MACROD2: variants seen among roughly 807,000 people sequenced by gnomAD.
The protein encoded by MACROD2 is ADP-ribose glycohydrolase MACROD2.
A neutral mutation model predicts 70.4 loss-of-function variants in MACROD2; 36 were observed. That is an observed-to-expected ratio of 0.51 (90% CI 0.39 to 0.68). The LOEUF (loss-of-function observed/expected upper bound fraction) is 0.68. MACROD2 is among the 30% of genes least tolerant of loss of function. The pLI is 0.00. For synonymous variants in MACROD2, 172 were observed against 178.8 expected, an observed-to-expected ratio of 0.96 and a Z score of 0.30; for missense variants, 496 against 538.4, an observed-to-expected ratio of 0.92 and a Z score of 0.78.
chr20:14,529,496 A>G (rs1279689164), intron 4 of MACROD2, among the ~76,000 whole-genome samples: 1 of 152,168 alleles, frequency 6.6e-6, no homozygotes, highest in African/African-American at 2.4e-5. Context: ...TATGACAATA[A>G]TTTTCATGTC....
chr20:14,526,315 C>CT (rs1266782599), intron 4 of MACROD2, among the ~76,000 whole-genome samples: 1 of 151,616 alleles, frequency 6.6e-6, no homozygotes, highest in Non-Finnish European at 1.5e-5. Context: ...TTTTCATAGT[C>CT]TTTTTTTATT....
intron 8 of MACROD2, among the ~76,000 whole-genome samples, chr20:15,818,714 ACTCTGGTTGAAACTC>A (rs1411427418): frequency 1.3e-5 from 2 of 151,978 alleles, no homozygotes; most frequent in African/African-American, 4.8e-5. Flanking sequence ...GGATGAAGTC[ACTCTGGTTGAAACTC>A]CTCTGAAAAG....
chr20:14,026,843 C>T (rs1004684812), intron 2 of MACROD2, among the ~76,000 whole-genome samples: 3 of 151,998 alleles, frequency 2.0e-5, no homozygotes, highest in Non-Finnish European at 4.4e-5. Context: ...AATAAGAGCA[C>T]CTGGGGGAAG....
At chr20:14,343,442 G>T (rs1417757913) in intron 3 of MACROD2, among the ~76,000 whole-genome samples, 1 of 152,152 alleles carries the variant, frequency 6.6e-6, no homozygotes, top group Non-Finnish European at 1.5e-5. Flanking sequence ...TAAAGTGGTG[G>T]ATGTAATAGT....
intron 8 of MACROD2, among the ~76,000 whole-genome samples, chr20:15,834,628 C>T (rs1004746529): frequency 9.2e-5 from 14 of 152,154 alleles, no homozygotes; most frequent in South Asian, 2.1e-4. Flanking sequence ...CTCTACTTAA[C>T]GAGGATTTCT....
intron 5 of MACROD2, among the ~76,000 whole-genome samples, chr20:15,159,543 G>C (rs2076333193): frequency 6.6e-6 from 1 of 152,026 alleles, no homozygotes; most frequent in African/African-American, 2.4e-5. Flanking sequence ...TAAAAATATG[G>C]TTTGCTTTAT....
intron 5 of MACROD2, among the ~76,000 whole-genome samples, chr20:14,874,051 C>A (rs558430008): frequency 6.6e-6 from 1 of 151,994 alleles, no homozygotes; most frequent in Non-Finnish European, 1.5e-5. Context: ...ACGTGTTAGG[C>A]CAGATAATAA....
intron 4 of MACROD2, among the ~76,000 whole-genome samples, chr20:14,575,017 C>CAAAAAAAAAAAAAAAAAAAAA (rs1195216470): frequency 2.6e-4 from 13 of 49,932 alleles, no homozygotes; most frequent in African/African-American, 8.7e-4. Context: ...GACTCTGTCT[C>CAAAAAAAAAAAAAAAAAAAAA]AAAAAAAAAA....
At chr20:15,498,856 C>T (rs1357222401) in intron 7 of MACROD2, among the ~76,000 whole-genome samples, 1 of 152,044 alleles carries the variant, frequency 6.6e-6, no homozygotes, top group Non-Finnish European at 1.5e-5. Context: ...CATAAAAAAA[C>T]TAGTCAAACA....
At chr20:15,362,124 G>T (rs760873390) in intron 6 of MACROD2, among the ~76,000 whole-genome samples, 2 of 151,098 alleles carry the variant, frequency 1.3e-5, no homozygotes, top group Non-Finnish European at 1.5e-5. Flanking sequence ...CGATTCTTAT[G>T]CCTCAGCCTT....
At chr20:14,678,243 G>A (rs1458210728) in intron 4 of MACROD2, among the ~76,000 whole-genome samples, 1 of 152,080 alleles carries the variant, frequency 6.6e-6, no homozygotes, top group Non-Finnish European at 1.5e-5. Flanking sequence ...TGGACTGGAT[G>A]TAGAAATAGT....
chr20:15,083,962 G>C (rs751532571), intron 5 of MACROD2, among the ~76,000 whole-genome samples: 4 of 151,910 alleles, frequency 2.6e-5, no homozygotes, highest in Non-Finnish European at 5.9e-5. Flanking sequence ...GTAGGCAAAG[G>C]CCATTAAATT....
intron 5 of MACROD2, among the ~76,000 whole-genome samples, chr20:14,936,292 C>G (rs1262805490): frequency 1.3e-5 from 2 of 151,906 alleles, no homozygotes; most frequent in Admixed American, 1.3e-4. Context: ...GTGAAAATGC[C>G]CTGAGATAAG....
intron 4 of MACROD2, 115 bp from the exon 5 acceptor site, chr20:14,684,728 C>T (rs961862418): frequency 2.9e-5 from 21 of 728,680 alleles, no homozygotes; most frequent in Admixed American, 1.2e-4. Context: ...TTTTCTTCCA[C>T]GGGCTATGGT....
intron 5 of MACROD2, among the ~76,000 whole-genome samples, chr20:15,139,115 C>T (rs907284605): frequency 2.6e-5 from 4 of 152,070 alleles, no homozygotes; most frequent in Admixed American, 6.6e-5. Flanking sequence ...ACTTAGTATT[C>T]GTTTTGGCCC....
intron 15 of MACROD2, among the ~76,000 whole-genome samples, chr20:16,033,858 G>GCGGC (rs745511689): frequency 7.2e-6 from 1 of 139,286 alleles, no homozygotes; most frequent in Admixed American, 7.3e-5. Context: ...AGTAGGGGGT[G>GCGGC]GGGTGGGGGA....
rs115695548 is a variant in MACROD2 at position 15,328,205 on chromosome 20, T to C, written c.540+98144T>C. Among the ~76,000 whole-genome samples, 1,139 of 151,916 alleles carry C rather than the reference T, an allele frequency of 7.5e-3. 15 individuals are homozygous for C. The highest frequency in any genetic ancestry group is 0.026 in the African/African-American group (1,080 of 41,458). On this transcript the variant is annotated intron_variant, in intron 6 of 17. Transcript: ENST00000684519. The stretch of plus-strand genomic sequence containing the variant: ...GCAGTTAGGGAATTTGACAAGCAGA[T>C]ACCTGTGGCAAGAGCATTCCAGGAA...
chr20:16,011,630 C>T (rs1296287871), intron 15 of MACROD2, among the ~76,000 whole-genome samples: 1 of 109,252 alleles, frequency 9.2e-6, no homozygotes, highest in Non-Finnish European at 1.9e-5. Flanking sequence ...AAGCGCAAGC[C>T]CGAGTAAAGG....
At chr20:15,897,886 G>C (rs2064998081) in intron 10 of MACROD2, among the ~76,000 whole-genome samples, 1 of 151,982 alleles carries the variant, frequency 6.6e-6, no homozygotes, top group Non-Finnish European at 1.5e-5. Context: ...CCTTTTTGAT[G>C]ATCATGTTCC....
Sources: gnomAD v4.1 joint callset for allele counts (sites outside exome capture counted in the v4.1 genomes callset) on GRCh38, gnomAD v4.1.1 for gene constraint, MANE v1.5 for transcripts, NCBI Gene and HGNC (gene_info 2026-07-23, HGNC 2026-07-21) for gene names.